The following HP1BP3 variants were observed in gnomAD, a reference collection of about 807,000 sequenced individuals.
HP1BP3 encodes the protein heterochromatin protein 1-binding protein 3.
Under a neutral mutation model 62.5 loss-of-function variants are expected in HP1BP3, and 12 were observed. The observed-to-expected ratio is 0.19, with a 90% CI of 0.12 to 0.31. The LOEUF is 0.31. HP1BP3 is among the 10% of genes least tolerant of loss of function. The pLI is 1.00. For missense variants in HP1BP3, 502 were observed against 651.8 expected (o/e 0.77, Z 2.50); for synonymous variants, 260 against 237.8 (o/e 1.09, Z -0.86).
intron 1 of HP1BP3, among the ~76,000 whole-genome samples, chr1:20,786,876 C>T (rs2057865095): frequency 6.6e-6 from 1 of 152,106 alleles, no homozygotes; most frequent in African/African-American, 2.4e-5. Context: ...CGCTGGGACG[C>T]AGGGTCGCAC....
In HP1BP3 at chr1:20,754,982, G is replaced by A. The variant is rs528176636; in HGVS notation, c.981+2184C>T. Among the ~76,000 whole-genome samples the A allele has an allele frequency of 9.2e-5, 14 of 152,084 alleles. No homozygotes were observed. The South Asian group carries it at 2.9e-3, about 32-fold the overall frequency. On this transcript the variant is annotated intron_variant, in intron 9 of 12. Transcript: ENST00000438032. ...AATAGGACTTCATCAAAAAGTAAAC[G>A]CTTCAAAAGATACTACTGAGAAAGT...
At chr1:20,754,800 C>A (rs1346973543) in intron 9 of HP1BP3, among the ~76,000 whole-genome samples, 1 of 152,182 alleles carries the variant, frequency 6.6e-6, no homozygotes, top group African/African-American at 2.4e-5. Flanking sequence ...TATACCCTTA[C>A]CTCTCACTAT....
chr1:20,752,220 C>T (rs2055809275), intron 9 of HP1BP3, among the ~76,000 whole-genome samples: 2 of 151,898 alleles, frequency 1.3e-5, no homozygotes, highest in South Asian at 4.2e-4. Context: ...CGAGATCAAG[C>T]CACTGTACTC....
At chr1:20,786,849 G>A (rs908253529) in intron 1 of HP1BP3, among the ~76,000 whole-genome samples, 4 of 152,154 alleles carry the variant, frequency 2.6e-5, no homozygotes, top group Admixed American at 6.5e-5. Flanking sequence ...GGCGGGCAGA[G>A]GACGCCGACG....
intron 9 of HP1BP3, among the ~76,000 whole-genome samples, chr1:20,750,554 A>T (rs1044805410): frequency 6.7e-6 from 1 of 149,134 alleles, no homozygotes; most frequent in African/African-American, 2.5e-5. Context: ...AATAAATTTA[A>T]AAAAAAAAAG....
intron 11 of HP1BP3, among the ~76,000 whole-genome samples, chr1:20,746,992 C>T (rs891726021): frequency 1.3e-5 from 2 of 152,046 alleles, no homozygotes; most frequent in African/African-American, 4.8e-5. Flanking sequence ...CCAGCCTGGG[C>T]GATAGAGTGA....
At chr1:20,765,116 T>C (rs182459594) in intron 8 of HP1BP3, among the ~76,000 whole-genome samples, 91 of 144,050 alleles carry the variant, frequency 6.3e-4, no homozygotes, top group Admixed American at 5.7e-3. Flanking sequence ...CTGCAGTGAG[T>C]TGAGATGGTG....
chr1:20,753,956 C>T (rs1389786725), intron 9 of HP1BP3, among the ~76,000 whole-genome samples: 2 of 152,130 alleles, frequency 1.3e-5, no homozygotes, highest in Non-Finnish European at 2.9e-5. Flanking sequence ...TGGAACAAGG[C>T]GAAGATGTCT....
chr1:20,756,690 A>T (rs2056130413), intron 9 of HP1BP3, among the ~76,000 whole-genome samples: 1 of 152,170 alleles, frequency 6.6e-6, no homozygotes, highest in Non-Finnish European at 1.5e-5. Flanking sequence ...TAAATATTTA[A>T]ATTTTTCCTC....
At chr1:20,751,232 T>C (rs2055727859) in intron 9 of HP1BP3, among the ~76,000 whole-genome samples, 1 of 152,112 alleles carries the variant, frequency 6.6e-6, no homozygotes, top group South Asian at 2.1e-4. Flanking sequence ...TAACTGTTTG[T>C]AAGGCTTCCG....
intron 9 of HP1BP3, among the ~76,000 whole-genome samples, chr1:20,756,368 T>C (rs1262557669): frequency 6.6e-6 from 1 of 152,072 alleles, no homozygotes; most frequent in Non-Finnish European, 1.5e-5. Context: ...TTAAAGATGT[T>C]TGCAAAAATG....
intron 1 of HP1BP3, among the ~76,000 whole-genome samples, chr1:20,785,572 A>AG (rs1312435690): frequency 6.6e-6 from 1 of 152,240 alleles, no homozygotes; most frequent in East Asian, 1.9e-4. Flanking sequence ...AAGTTATATA[A>AG]GCAAACATAT....
chr1:20,775,871 C>T (rs930367013), intron 4 of HP1BP3: 56 of 1,271,016 alleles, frequency 4.4e-5, no homozygotes, highest in Non-Finnish European at 5.1e-5. Context: ...GATGTTGGCA[C>T]GATGATGAAA....
At chr1:20,785,893 C>A (rs891683051) in intron 1 of HP1BP3, among the ~76,000 whole-genome samples, 6 of 152,182 alleles carry the variant, frequency 3.9e-5, no homozygotes, top group African/African-American at 1.4e-4. Context: ...AAAATTAGAG[C>A]ACCTTTCAAA....
chr1:20,752,031 G>T lies in HP1BP3; in HGVS notation c.982-2149C>A, dbSNP rs542415074. Among the ~76,000 whole-genome samples the T allele has an allele frequency of 4.6e-5, 7 of 152,126 alleles. No homozygotes were observed. The East Asian group carries it at 1.4e-3, about 30-fold the overall frequency. On this transcript the variant is annotated intron_variant, in intron 9 of 12. Transcript: ENST00000438032. ...TCCCAGCACTTTGGGAGGCTGAGGCGGGTGGATCAGCTGAGGTCAGGAGCT... is the reference window on the plus strand; with the variant it reads ...TCCCAGCACTTTGGGAGGCTGAGGCTGGTGGATCAGCTGAGGTCAGGAGCT...
chr1:20,766,739 A>G (rs1056855068), intron 7 of HP1BP3, among the ~76,000 whole-genome samples: 1 of 152,034 alleles, frequency 6.6e-6, no homozygotes, highest in African/African-American at 2.4e-5. Context: ...CAGGAGGTGG[A>G]GGCCAGCCTG....
At chr1:20,783,012 T>A (rs1413105876) in intron 1 of HP1BP3, among the ~76,000 whole-genome samples, 1 of 129,350 alleles carries the variant, frequency 7.7e-6, no homozygotes, top group East Asian at 2.0e-4. Flanking sequence ...CTTGGAAGAC[T>A]GAGATGGGAG....
chr1:20,746,584 G>T (rs2055351643), intron 11 of HP1BP3, among the ~76,000 whole-genome samples: 1 of 152,114 alleles, frequency 6.6e-6, no homozygotes, highest in Non-Finnish European at 1.5e-5. Context: ...AACAATGCTT[G>T]GACCACAGGA....
intron 1 of HP1BP3, among the ~76,000 whole-genome samples, chr1:20,780,750 T>C (rs558271887): frequency 2.5e-4 from 38 of 152,212 alleles, no homozygotes; most frequent in African/African-American, 8.7e-4. Context: ...ACGGCAGCTG[T>C]TGCACCTTCC....
Sources: allele counts gnomAD v4.1 joint callset (sites outside exome capture counted in the v4.1 genomes callset), GRCh38; gene constraint gnomAD v4.1.1; transcripts MANE v1.5; gene names NCBI Gene and HGNC (gene_info 2026-07-23, HGNC 2026-07-21).